The following ZBTB20 variants were observed in gnomAD, a reference collection of about 807,000 sequenced individuals.
ZBTB20 encodes zinc finger and BTB domain containing 20, also known as zinc finger and BTB domain-containing protein 20.
Under a neutral mutation model 56.9 loss-of-function variants are expected in ZBTB20, and 9 were observed. That is an observed-to-expected ratio of 0.16 (90% confidence interval 0.10 to 0.28). The LOEUF (loss-of-function observed/expected upper bound fraction) is 0.28, where lower values mean the gene tolerates loss of function less well. Among genes scored for constraint, ZBTB20 ranks in the 10% least tolerant of loss-of-function variants. The pLI is 1.00. For synonymous variants in ZBTB20, 417 were observed against 420.7 expected (o/e 0.99, Z 0.11); for missense variants, 655 against 1,003.0 (o/e 0.65, Z 4.69).
At chr3:114,750,851 C>T (rs2067505249) in intron 5 of ZBTB20, among the ~76,000 whole-genome samples, 1 of 152,068 alleles carries the variant, frequency 6.6e-6, no homozygotes, top group African/African-American at 2.4e-5. Flanking sequence ...AAGTTAATTC[C>T]CTTTGTCTAC....
At chr3:115,095,676 C>T (rs1340351928) in intron 1 of ZBTB20, among the ~76,000 whole-genome samples, 1 of 152,144 alleles carries the variant, frequency 6.6e-6, no homozygotes, top group African/African-American at 2.4e-5. Flanking sequence ...TCATAGATAG[C>T]ATATTTCTTC....
chr3:115,024,329 C>T (rs1253872859), intron 2 of ZBTB20, among the ~76,000 whole-genome samples: 2 of 150,830 alleles, frequency 1.3e-5, no homozygotes, highest in Non-Finnish European at 1.5e-5. Flanking sequence ...AGCTTACAAC[C>T]TAGGTGGAGA....
chr3:114,878,531 C>T (rs2076280103), intron 4 of ZBTB20, among the ~76,000 whole-genome samples: 3 of 148,550 alleles, frequency 2.0e-5, no homozygotes, highest in Admixed American at 6.8e-5. Context: ...CTCAGCAATG[C>T]TATCCCTTTG....
chr3:114,558,443 G>GC (rs1185018902), intron 6 of ZBTB20, among the ~76,000 whole-genome samples: 1 of 151,836 alleles, frequency 6.6e-6, no homozygotes, highest in Non-Finnish European at 1.5e-5. Context: ...ACACTTTTAC[G>GC]CCCCTAAATA....
At chr3:114,706,428 G>C (rs569910746) in intron 5 of ZBTB20, among the ~76,000 whole-genome samples, 23 of 152,118 alleles carry the variant, frequency 1.5e-4, no homozygotes, top group Non-Finnish European at 3.1e-4. Flanking sequence ...CAAACTTTTT[G>C]GTGATCACAT....
At chr3:114,689,855 T>C (rs1451555591) in intron 6 of ZBTB20, among the ~76,000 whole-genome samples, 2 of 152,154 alleles carry the variant, frequency 1.3e-5, no homozygotes, top group Admixed American at 1.3e-4. Context: ...AGCTTTAAAA[T>C]AGTATAATGG....
At chr3:114,636,629 G>A (rs1406090985) in intron 6 of ZBTB20, among the ~76,000 whole-genome samples, 1 of 151,802 alleles carries the variant, frequency 6.6e-6, no homozygotes, top group Non-Finnish European at 1.5e-5. Flanking sequence ...GTTGTTTTAT[G>A]GAAGCCTCAT....
chr3:114,470,408 GTTT>G (rs746635099), intron 7 of ZBTB20, among the ~76,000 whole-genome samples: 1 of 152,064 alleles, frequency 6.6e-6, no homozygotes, highest in Non-Finnish European at 1.5e-5. Context: ...ATAGTAGTTA[GTTT>G]TTTATTTGCT....
intron 4 of ZBTB20, among the ~76,000 whole-genome samples, chr3:114,868,444 C>A (rs189641391): frequency 2.7e-3 from 409 of 152,248 alleles, no homozygotes; most frequent in Non-Finnish European, 4.2e-3. Context: ...TGATTTTACC[C>A]AAAGCATCAA....
intron 2 of ZBTB20, among the ~76,000 whole-genome samples, chr3:115,069,271 A>G (rs1024598843): frequency 1.3e-5 from 2 of 152,160 alleles, no homozygotes; most frequent in African/African-American, 4.8e-5. Context: ...TAGCTTAGCT[A>G]ACAGTCTTTT....
chr3:115,118,703 ATTTTTTTTTTTT>A (rs35607205), intron 1 of ZBTB20, among the ~76,000 whole-genome samples: 3 of 82,174 alleles, frequency 3.7e-5, no homozygotes, highest in Non-Finnish European at 6.7e-5. Context: ...CCTGGTACAA[ATTTTTTTTTTTT>A]TTTTTTTTTT....
chr3:114,940,385 A>G (rs1182053351), intron 3 of ZBTB20, among the ~76,000 whole-genome samples: 1 of 57,874 alleles, frequency 1.7e-5, no homozygotes, highest in Non-Finnish European at 2.9e-5. Flanking sequence ...TTATTCATTC[A>G]TTTCTGATTT....
At chr3:114,775,629 G>A (rs1179394232) in intron 5 of ZBTB20, among the ~76,000 whole-genome samples, 1 of 151,900 alleles carries the variant, frequency 6.6e-6, no homozygotes, top group African/African-American at 2.4e-5. Context: ...GCTGCACACG[G>A]AGCCCTTTGA....
At chr3:114,938,458 T>C (rs2076621628) in intron 3 of ZBTB20, among the ~76,000 whole-genome samples, 1 of 146,164 alleles carries the variant, frequency 6.8e-6, no homozygotes, top group African/African-American at 2.8e-5. Flanking sequence ...ATAAAGAAAA[T>C]GTGCCACATA....
At chr3:114,831,504 G>C (rs1011202655) in intron 4 of ZBTB20, among the ~76,000 whole-genome samples, 1 of 151,962 alleles carries the variant, frequency 6.6e-6, no homozygotes, top group African/African-American at 2.4e-5. Context: ...TTACTCTACA[G>C]TGTCTAACTC....
At chr3:114,462,730 C>T (rs1209266602) in intron 7 of ZBTB20, among the ~76,000 whole-genome samples, 1 of 152,120 alleles carries the variant, frequency 6.6e-6, no homozygotes, top group African/African-American at 2.4e-5. Flanking sequence ...CAGATGCAAC[C>T]AGATTAGACA....
intron 3 of ZBTB20, among the ~76,000 whole-genome samples, chr3:114,970,831 C>T (rs1378580834): frequency 2.0e-5 from 3 of 151,988 alleles, no homozygotes; most frequent in South Asian, 4.1e-4. Flanking sequence ...CTGGCTAACG[C>T]GGTGAAACCT....
chr3:114,933,768 T>C (rs2107815904), intron 3 of ZBTB20, among the ~76,000 whole-genome samples: 1 of 152,370 alleles, frequency 6.6e-6, no homozygotes, highest in South Asian at 2.1e-4. Flanking sequence ...CAAATGTTAC[T>C]TAATAATCCT....
chr3:114,892,047 C>CA (rs552755438), intron 4 of ZBTB20, among the ~76,000 whole-genome samples: 5,537 of 142,046 alleles, frequency 0.039, 165 homozygotes, highest in African/African-American at 0.078. Context: ...ACTCCATCTC[C>CA]AAAAAAAAAA....
Sources: allele counts gnomAD v4.1 joint callset (sites outside exome capture counted in the v4.1 genomes callset), GRCh38; gene constraint gnomAD v4.1.1; transcripts MANE v1.5; gene names NCBI Gene and HGNC (gene_info 2026-07-23, HGNC 2026-07-21).